The following CCNH variants were observed in gnomAD, a reference collection of about 807,000 sequenced individuals.
CCNH encodes cyclin-H.
CCNH carries 31 observed loss-of-function variants against 41.9 expected under a neutral mutation model. The ratio of observed to expected loss-of-function variants is 0.74; its 90% CI spans 0.56 to 1.00. The LOEUF is 1.00. Among genes scored for constraint, CCNH ranks in the 50% least tolerant of loss-of-function variants. The pLI is 0.00. For synonymous variants in CCNH, 138 were observed against 136.1 expected, an observed-to-expected ratio of 1.01 and a Z score of -0.10; for missense variants, 362 against 388.4, an observed-to-expected ratio of 0.93 and a Z score of 0.57.
At chr5:87,336,616 T>C (rs1757990708) in intron 9 of CCNH, among the ~76,000 whole-genome samples, 1 of 152,098 alleles carries the variant, frequency 6.6e-6, no homozygotes, top group Admixed American at 6.5e-5. Flanking sequence ...CTTTTTTTGG[T>C]TTTTGCACCA....
At chr5:87,392,893 A>G (rs1032312662), downstream of CCNH, 2 of 152,216 alleles carry the variant, frequency 1.3e-5, no homozygotes, top group African/African-American at 4.8e-5. Context: ...TCTGATGCCA[A>G]AGTTTGGCGA....
chr5:87,357,635 G>C (rs777092385), intron 9 of CCNH, among the ~76,000 whole-genome samples: 2 of 152,090 alleles, frequency 1.3e-5, no homozygotes, highest in Non-Finnish European at 2.9e-5. Context: ...AACCTGGGAG[G>C]TGGAGGTTGC....
intron 9 of CCNH, among the ~76,000 whole-genome samples, chr5:87,338,536 A>ATATATATATTTTTTTTTTTTTTTT: frequency 2.3e-5 from 2 of 85,218 alleles, no homozygotes; most frequent in African/African-American, 8.8e-5. Flanking sequence ...TATATATAAA[A>ATATATATATTTTTTTTTTTTTTTT]TTTTTTTTTT....
intron 9 of CCNH, among the ~76,000 whole-genome samples, chr5:87,353,532 AC>A (rs1019361511): frequency 6.6e-6 from 1 of 152,058 alleles, no homozygotes; most frequent in African/African-American, 2.4e-5. Context: ...GCAGGGATAA[AC>A]CACAGCCAGG....
exon 1 of CCNH, chr5:87,376,280 T>C: frequency 1.6e-6 from 2 of 1,277,108 alleles, no homozygotes; most frequent in South Asian, 1.3e-5. Flanking sequence ...GAAAACTCCT[T>C]TAATGAAAAG....
At chr5:87,370,019 ATC>A (rs1391433267) in intron 9 of CCNH, 1 of 868,418 alleles carries the variant, frequency 1.2e-6, no homozygotes, top group East Asian at 2.7e-5. Flanking sequence ...AAATCTAATC[ATC>A]TCTTATTTTA....
chr5:87,393,281 G>A (rs771803072), downstream of CCNH: 7 of 152,082 alleles, frequency 4.6e-5, no homozygotes, highest in Non-Finnish European at 8.8e-5. Flanking sequence ...TGAATTACTC[G>A]GAATTCCTTC....
At chr5:87,354,287 A>G (rs1014140243) in intron 9 of CCNH, among the ~76,000 whole-genome samples, 2 of 152,126 alleles carry the variant, frequency 1.3e-5, no homozygotes, top group Non-Finnish European at 2.9e-5. Flanking sequence ...TACAAATTGA[A>G]GGTTTGTGGC....
intron 9 of CCNH, among the ~76,000 whole-genome samples, chr5:87,343,438 T>G (rs1257572027): frequency 1.3e-5 from 2 of 152,178 alleles, no homozygotes; most frequent in Admixed American, 1.3e-4. Flanking sequence ...CACATTATCC[T>G]TAACTGCCAG....
the CCNH span, among the ~76,000 whole-genome samples, chr5:87,312,925 A>G: frequency 6.6e-6 from 1 of 152,248 alleles, no homozygotes; most frequent in South Asian, 2.1e-4. Context: ...GGTGTTTATC[A>G]GGGAATGATC....
intron 9 of CCNH, chr5:87,385,239 A>C: frequency 9.6e-7 from 1 of 1,042,098 alleles, no homozygotes; most frequent in South Asian, 1.3e-5. Flanking sequence ...CTAAATTTAT[A>C]ATGGTTTAGC....
downstream of CCNH, chr5:87,374,944 T>C (rs756789374): frequency 3.7e-5 from 59 of 1,592,024 alleles, no homozygotes; most frequent in South Asian, 6.2e-4. Context: ...CTTTCTAAAA[T>C]AGAAAAAGCA....
chr5:87,325,969 A>C (rs2112350828), intron 9 of CCNH, among the ~76,000 whole-genome samples: 1 of 150,072 alleles, frequency 6.7e-6, no homozygotes, highest in Admixed American at 6.6e-5. Context: ...GCAGCCCCCC[A>C]CCCCCTTTTT....
At chr5:87,344,323 T>C (rs1482059886) in intron 9 of CCNH, among the ~76,000 whole-genome samples, 2 of 152,224 alleles carry the variant, frequency 1.3e-5, no homozygotes, top group East Asian at 1.9e-4. Flanking sequence ...AAAATAGTTG[T>C]ATACATTACC....
chr5:87,389,534 T>A (rs762732004), downstream of CCNH: 3 of 1,613,714 alleles, frequency 1.9e-6, no homozygotes, highest in South Asian at 3.3e-5. Context: ...GCAGGTAGGC[T>A]TTCGCCAGCC....
At chr5:87,324,631 A>C (rs1757083177) in intron 9 of CCNH, among the ~76,000 whole-genome samples, 1 of 152,172 alleles carries the variant, frequency 6.6e-6, no homozygotes, top group African/African-American at 2.4e-5. Context: ...TCTGAGATAA[A>C]TACATACACA....
chr5:87,372,200 A>C (rs1294232515), downstream of CCNH: 2 of 1,612,314 alleles, frequency 1.2e-6, no homozygotes, highest in South Asian at 1.1e-5. Flanking sequence ...CGTCAGGTGA[A>C]GCTTAATTTT....
chr5:87,347,171 A>G (rs753557094), intron 9 of CCNH, among the ~76,000 whole-genome samples: 9 of 152,038 alleles, frequency 5.9e-5, no homozygotes, highest in Non-Finnish European at 1.2e-4. Flanking sequence ...AAATACCATA[A>G]TTAACTAGTC....
intron 9 of CCNH, among the ~76,000 whole-genome samples, chr5:87,325,944 T>C (rs1480181301): frequency 6.6e-6 from 1 of 152,162 alleles, no homozygotes; most frequent in African/African-American, 2.4e-5. Context: ...TTCGGATGTG[T>C]TCCAGCAATA....
Sources: gnomAD v4.1 joint callset for allele counts (sites outside exome capture counted in the v4.1 genomes callset) on GRCh38, gnomAD v4.1.1 for gene constraint, MANE v1.5 for transcripts, NCBI Gene and HGNC (gene_info 2026-07-23, HGNC 2026-07-21) for gene names.